Variants in GC observed in about 807,000 individuals in gnomAD.
The protein encoded by GC is GC vitamin D binding protein.
GC carries 43 observed loss-of-function variants against 56.7 expected under a neutral mutation model. That is an observed-to-expected ratio of 0.76 (90% CI 0.59 to 0.98). The LOEUF (loss-of-function observed/expected upper bound fraction) is 0.98, where lower values mean the gene tolerates loss of function less well. Ranked by LOEUF, GC falls within the 50% of genes least tolerant of loss-of-function variation. The pLI is 0.00. For missense variants in GC, 529 were observed against 545.9 expected (o/e 0.97, Z 0.31); for synonymous variants, 216 against 202.7 (o/e 1.07, Z -0.56).
Position 71,797,871 on chromosome 4 carries a change from G to T in GC, c.21+6055C>A, listed in dbSNP as rs567679021. On this transcript the variant is annotated intron_variant, in intron 1 of 13. Transcript: ENST00000504199. ...TCATTGAGCTTCTCATAAGTCAATG[G>T]TTTTTTAAAAATCAAATTTATGTAA... Among the ~76,000 whole-genome samples the T allele has an allele frequency of 2.0e-5, 3 of 152,294 alleles. No individual in the cohort carries two copies. In the East Asian group the frequency reaches 5.8e-4, roughly 29 times the overall value.
chr4:71,742,000 G>A (rs895257503), intron 12 of GC, 130 bp from the exon 13 acceptor site: 14 of 668,610 alleles, frequency 2.1e-5, no homozygotes, highest in Non-Finnish European at 3.2e-5. Flanking sequence ...CTCTGTCTAG[G>A]ATGACCCATA....
intron 8 of GC, among the ~76,000 whole-genome samples, chr4:71,755,543 T>A (rs570074031): frequency 6.6e-6 from 1 of 152,300 alleles, no homozygotes; most frequent in Admixed American, 6.5e-5. Flanking sequence ...GAGATTTAGC[T>A]CAGACTGACT....
intron 12 of GC, among the ~76,000 whole-genome samples, chr4:71,743,981 A>G: frequency 6.6e-6 from 1 of 152,234 alleles, no homozygotes; most frequent in Admixed American, 6.5e-5. Context: ...AGGATTAATT[A>G]AAGGCCAGAG....
chr4:71,803,025 T>A (rs1428822492), intron 1 of GC, among the ~76,000 whole-genome samples: 1 of 152,124 alleles, frequency 6.6e-6, no homozygotes, highest in Non-Finnish European at 1.5e-5. Context: ...TTCAAATGTG[T>A]GAATGAGATA....
At position 71,795,857 on chromosome 4, in the gene GC, A is replaced by G. The variant is rs111442905; in HGVS notation, c.21+8069T>C. On this transcript the variant is annotated intron_variant, in intron 1 of 13. Coordinates refer to the GC transcript ENST00000504199. Reference sequence around the variant, plus strand: ...GCTCTTGTAAGGCAGGTCTGGTGGTAACAAAATCTGTCAGCATTTGCTTGT... The same window carrying G: ...GCTCTTGTAAGGCAGGTCTGGTGGTGACAAAATCTGTCAGCATTTGCTTGT... Among the ~76,000 whole-genome samples the G allele has an allele frequency of 2.2e-4, 34 of 152,278 alleles. 3 individuals carry two copies. The highest frequency in any genetic ancestry group is 6.3e-4 in the African/African-American group (26 of 41,570).
At chr4:71,754,627 A>G (rs1353041782) in intron 9 of GC, 119 bp from the exon 10 acceptor site, 2 of 682,510 alleles carry the variant, frequency 2.9e-6, no homozygotes, top group Non-Finnish European at 5.1e-6. Flanking sequence ...TTTTCTACAG[A>G]AGGCCGGATA....
At chr4:71,802,152 CATCATTAATT>C (rs1330825415) in intron 1 of GC, among the ~76,000 whole-genome samples, 2 of 152,094 alleles carry the variant, frequency 1.3e-5, no homozygotes, top group Non-Finnish European at 2.9e-5. Flanking sequence ...ATGTGAATAG[CATCATTAATT>C]TATCATTTAA....
rs571806979 is a variant in GC at position 71,776,470 on chromosome 4, T to G, written c.59-7070A>C. Among the ~76,000 whole-genome samples the G allele has an allele frequency of 5.9e-5, 9 of 151,620 alleles. No individual in the cohort carries two copies. In the South Asian group the frequency reaches 1.0e-3, roughly 18 times the overall value. On this transcript the variant is annotated intron_variant, in intron 1 of 12. Transcript: ENST00000273951. ...TGAAAAAGTTGAACTCACAGAAGAG[T>G]AAAATGATGGCTACTAGAGGCTGCA...
intron 7 of GC, among the ~76,000 whole-genome samples, chr4:71,757,660 T>C (rs1741828015): frequency 1.3e-5 from 2 of 152,222 alleles, no homozygotes; most frequent in African/African-American, 4.8e-5. Flanking sequence ...ATGTGGTTAG[T>C]GTAACTGAAG....
chr4:71,764,279 G>T (rs894587422), intron 4 of GC, among the ~76,000 whole-genome samples: 3 of 152,054 alleles, frequency 2.0e-5, no homozygotes, highest in Admixed American at 1.3e-4. Flanking sequence ...ACCATGCTTG[G>T]CCCCCAAAAC....
At chr4:71,764,070 C>T in intron 4 of GC, 134 bp from the exon 5 acceptor site, 4 of 652,114 alleles carry the variant, frequency 6.1e-6, no homozygotes, top group South Asian at 5.7e-5. Context: ...CAGTCTCAAC[C>T]TCCTGGCCTC....
In GC at chr4:71,741,744, T is replaced by C. The variant is rs922863306; in HGVS notation, c.*152A>G. 1 of 685,690 alleles carries C rather than the reference T, an allele frequency of 1.5e-6. No homozygotes were observed. The highest frequency in any genetic ancestry group is 1.6e-5 in the South Asian group (1 of 63,858). 42.5% of individuals were successfully genotyped at this position (685,690 alleles called of 1,614,324 possible). A position where few individuals can be genotyped will look rare whatever the true frequency, so the allele number is the denominator to read the frequency against. ...TATTTTGATAGCAAATCATCATACT[T>C]GTCATTGTATGAAGATATTGTAGCT... On this transcript the variant is annotated 3_prime_UTR_variant, in exon 13 of 13. Coordinates refer to ENST00000273951, the MANE Select transcript of GC (RefSeq NM_000583.4).
chr4:71,782,635 A>G (rs964990452), intron 1 of GC, among the ~76,000 whole-genome samples: 1 of 151,748 alleles, frequency 6.6e-6, no homozygotes, highest in African/African-American at 2.4e-5. Flanking sequence ...GGTGAAGCCA[A>G]TGTGCACCTA....
intron 1 of GC, among the ~76,000 whole-genome samples, chr4:71,800,489 T>C (rs1380489450): frequency 6.6e-6 from 1 of 152,098 alleles, no homozygotes; most frequent in Non-Finnish European, 1.5e-5. Context: ...CACTGATGGG[T>C]ATTTGGGTTG....
intron 1 of GC, among the ~76,000 whole-genome samples, chr4:71,777,536 A>G (rs541443679): frequency 4.0e-5 from 6 of 150,354 alleles, no homozygotes; most frequent in Non-Finnish European, 8.9e-5. Context: ...CTTAAAAGGA[A>G]CACTCACTTC....
In GC at chr4:71,790,515, T is replaced by C. The variant is rs113157267; in HGVS notation, c.22-6461A>G. Among the ~76,000 whole-genome samples, 26 of 152,066 alleles carry C rather than the reference T, an allele frequency of 1.7e-4. 2 individuals are homozygous for C. Among genetic ancestry groups the C allele is most frequent in the African/African-American group, 6.3e-4 (26 of 41,550 alleles). On this transcript the variant is annotated intron_variant, in intron 1 of 13. Transcript: ENST00000504199. ...TGCTATAATTGGTTTTGAATGTACA[T>C]TCTGATTATTTTTTCATATGTTTGC... is the stretch of plus-strand genomic sequence containing the variant.
chr4:71,761,830 G>A (rs778866082), intron 6 of GC, among the ~76,000 whole-genome samples: 4 of 152,166 alleles, frequency 2.6e-5, no homozygotes, highest in Admixed American at 1.3e-4. Flanking sequence ...GTCAAGAATT[G>A]GGTTTTGGGA....
chr4:71,805,037 T>A (rs1743332479), upstream of GC, among the ~76,000 whole-genome samples: 1 of 152,116 alleles, frequency 6.6e-6, no homozygotes, highest in East Asian at 1.9e-4. Context: ...AAGATGTTAC[T>A]GGTACCCATT....
At chr4:71,776,713 A>G (rs1742520298) in intron 1 of GC, among the ~76,000 whole-genome samples, 1 of 151,924 alleles carries the variant, frequency 6.6e-6, no homozygotes, top group Non-Finnish European at 1.5e-5. Flanking sequence ...ATCATTCCCC[A>G]TTATATATAG....
Sources: gnomAD v4.1 joint callset for allele counts (sites outside exome capture counted in the v4.1 genomes callset) on GRCh38, gnomAD v4.1.1 for gene constraint, MANE v1.5 for transcripts, NCBI Gene and HGNC (gene_info 2026-07-23, HGNC 2026-07-21) for gene names.